Variants in C9orf40 observed in about 807,000 individuals in gnomAD.
The protein encoded by C9orf40 is chromosome 9 open reading frame 40, also known as uncharacterized protein C9orf40.
A neutral mutation model predicts 7.9 loss-of-function variants in C9orf40; 2 were observed. The observed-to-expected ratio is 0.25, with a 90% CI of 0.10 to 0.80. The LOEUF is 0.80. C9orf40 is among the 30% of genes least tolerant of loss of function. The pLI is 0.68. For synonymous variants in C9orf40, 113 were observed against 117.6 expected (o/e 0.96, Z 0.25); for missense variants, 256 against 268.5 (o/e 0.95, Z 0.33).
rs71497367 is a variant in C9orf40 at position 74,950,593 on chromosome 9, G to GA, written c.426+1592dup. On this transcript the variant is annotated intron_variant, in intron 1 of 1. Coordinates refer to ENST00000376854, the MANE Select transcript of C9orf40 (RefSeq NM_017998.3). ...AATAAGGCTCATGTTTCAACCATAGGAAAAAAAAAAAAAAAGTCTTTCCCA... is the reference window on the plus strand; with the variant it reads ...AATAAGGCTCATGTTTCAACCATAGGAAAAAAAAAAAAAAAAGTCTTTCCCA... Among the ~76,000 whole-genome samples the GA allele has an allele frequency of 5.2e-3, 595 of 114,934 alleles. 5 individuals are homozygous for GA. The highest frequency in any genetic ancestry group is 0.011 in the African/African-American group (345 of 31,248). 75.4% of individuals were successfully genotyped at this position (114,934 alleles called of 152,430 possible). A position where few individuals can be genotyped will look rare whatever the true frequency, so the allele number is the denominator to read the frequency against.
At position 74,952,505 on chromosome 9, in the gene C9orf40, C is replaced by G. The variant is rs773980785; in HGVS notation, c.107G>C (p.Arg36Pro). The G allele has an allele frequency of 6.3e-7, 1 of 1,593,938 alleles. No individual in the cohort carries two copies. Among genetic ancestry groups the G allele is most frequent in the African/African-American group, 1.3e-5 (1 of 74,298 alleles). The part of the protein sequence containing the change: ...EQPPPPPLWI[R>P]PPGVAHAGQL... Reference sequence around the variant, plus strand: ...CCCAGCATGCGCGACCCCGGGCGGCCGGATCCAGAGAGGCGGTGGCGGCGG... The same window carrying G: ...CCCAGCATGCGCGACCCCGGGCGGCGGGATCCAGAGAGGCGGTGGCGGCGG... Residue 36 changes from arginine to proline, a missense_variant, in exon 1 of 2, where the codon CGG becomes CCG. Coordinates refer to ENST00000376854, the MANE Select transcript of C9orf40 (RefSeq NM_017998.3). The surrounding 1 kb of genome is among the most constrained non-coding windows in gnomAD (Gnocchi z 5.4).
At position 74,952,431 on chromosome 9, in the gene C9orf40, C is replaced by T. The variant is rs1435840852; in HGVS notation, c.181G>A (p.Gly61Arg). Residue 61 changes from glycine (G) to arginine (R), a missense_variant, in exon 1 of 2, where the codon GGG (glycine) becomes AGG (arginine). Coordinates refer to ENST00000376854, the MANE Select transcript of C9orf40 (RefSeq NM_017998.3). The surrounding 1 kb of genome is among the most constrained non-coding windows in gnomAD (Gnocchi z 5.4). ...EQHRKRKIDA[G>R]TMAEPSASPS... ...GAAGCCGAGGGCTCTGCCATGGTCC[C>T]TGCGTCGATTTTGCGCTTTCGGTGC... 6.2e-7 allele frequency: 1 copy of T among 1,600,276 alleles called. No individual in the cohort carries two copies. The highest frequency in any genetic ancestry group is 8.5e-7 in the Non-Finnish European group (1 of 1,178,018).
rs1832306778 is a variant in C9orf40 at position 74,952,096 on chromosome 9, A to G, written c.426+90T>C. ...AACCCCCTCAGGCGTCTTAACCTAC[A>G]CAAGTCATGAGTGGGAACCGGGGCG... On this transcript the variant is annotated intron_variant, in intron 1 of 1. Transcript: ENST00000376854. The surrounding 1 kb of genome is among the most constrained non-coding windows in gnomAD (Gnocchi z 5.4). 1 of 482,408 alleles carries G rather than the reference A, an allele frequency of 2.1e-6. No homozygotes were observed. The highest frequency in any genetic ancestry group is 3.4e-6 in the Non-Finnish European group (1 of 297,640). 29.9% of individuals were successfully genotyped at this position (482,408 alleles called of 1,614,324 possible).
chr9:74,951,488 AC>A, intron 1 of C9orf40, among the ~76,000 whole-genome samples: 1 of 151,946 alleles, frequency 6.6e-6, no homozygotes, highest in Non-Finnish European at 1.5e-5. Flanking sequence ...ACAGAGTTTC[AC>A]CCTATTGGCC....
Position 74,952,705 on chromosome 9 carries a change from G to A in C9orf40, c.-94C>T, listed in dbSNP as rs1832322108. On this transcript the variant is annotated 5_prime_UTR_variant, in exon 1 of 2. Coordinates refer to ENST00000376854, the MANE Select transcript of C9orf40 (RefSeq NM_017998.3). This position sits in a 1 kb window ranked among gnomAD's most constrained non-coding sequence, Gnocchi z 5.4. ...GAGCGAGGACTGAGCGCGTGAGAGA[G>A]GGACAGGCCGAAGTCGGGCGAGGAG... is the stretch of plus-strand genomic sequence containing the variant. 7.4e-6 allele frequency: 9 copies of A among 1,220,486 alleles called. No individual in the cohort carries two copies. The highest frequency in any genetic ancestry group is 1.0e-5 in the Non-Finnish European group (9 of 900,374). 75.6% of individuals were successfully genotyped at this position (1,220,486 alleles called of 1,614,324 possible).
intron 1 of C9orf40, among the ~76,000 whole-genome samples, chr9:74,949,850 A>G (rs914926524): frequency 1.3e-5 from 2 of 152,194 alleles, no homozygotes; most frequent in African/African-American, 4.8e-5. Flanking sequence ...AAAAGAAGGA[A>G]TAGGAGTGTT....
Position 74,952,884 on chromosome 9 carries a change from C to A in C9orf40, c.-273G>T, listed in dbSNP as rs1475485722. On this transcript the variant is annotated 5_prime_UTR_variant, in exon 1 of 2. Transcript: ENST00000376854. The surrounding 1 kb of genome is among the most constrained non-coding windows in gnomAD (Gnocchi z 5.4). Reference sequence around the variant, plus strand: ...AACCGCGAAGCGGCGGAGATTCGAACCTGCGCACAACGTGCGCGCGCGCAC... The same window carrying A: ...AACCGCGAAGCGGCGGAGATTCGAAACTGCGCACAACGTGCGCGCGCGCAC... The A allele has an allele frequency of 4.5e-6, 2 of 448,212 alleles. No individual in the cohort carries two copies. Among genetic ancestry groups the A allele is most frequent in the Non-Finnish European group, 7.9e-6 (2 of 253,024 alleles). 27.8% of individuals were successfully genotyped at this position (448,212 alleles called of 1,614,324 possible). A position where few individuals can be genotyped will look rare whatever the true frequency, so the allele number is the denominator to read the frequency against.
intron 1 of C9orf40, among the ~76,000 whole-genome samples, chr9:74,950,951 A>G (rs1362448944): frequency 1.3e-5 from 2 of 152,252 alleles, no homozygotes; most frequent in Admixed American, 6.5e-5. Flanking sequence ...TAAAAAGTAA[A>G]AGAAACTTCT....
At chr9:74,949,585 G>A (rs1401632054) in intron 1 of C9orf40, among the ~76,000 whole-genome samples, 1 of 152,190 alleles carries the variant, frequency 6.6e-6, no homozygotes, top group Non-Finnish European at 1.5e-5. Context: ...TAGAAAAAAG[G>A]TATTTGAGGT....
rs1230066438 is a variant in C9orf40 at position 74,952,097 on chromosome 9, C to T, written c.426+89G>A. ...ACCCCCTCAGGCGTCTTAACCTACA[C>T]AAGTCATGAGTGGGAACCGGGGCGT... On this transcript the variant is annotated intron_variant, in intron 1 of 1. Coordinates refer to ENST00000376854, the MANE Select transcript of C9orf40 (RefSeq NM_017998.3). The surrounding 1 kb of genome is among the most constrained non-coding windows in gnomAD (Gnocchi z 5.4). 6.1e-6 allele frequency: 3 copies of T among 489,100 alleles called. No homozygotes were observed. The highest frequency in any genetic ancestry group is 9.9e-6 in the Non-Finnish European group (3 of 303,292). 30.3% of individuals were successfully genotyped at this position (489,100 alleles called of 1,614,324 possible). A position where few individuals can be genotyped will look rare whatever the true frequency, so the allele number is the denominator to read the frequency against.
At position 74,946,945 on chromosome 9, in the gene C9orf40, T is replaced by C. The variant is rs1832246887; in HGVS notation, c.*1103A>G. On this transcript the variant is annotated 3_prime_UTR_variant, in exon 2 of 2. Transcript: ENST00000376854. ...GCAGTACAAAAGTTAGTTAACTTAA[T>C]CACTGATACTCACATCACAAATTGC... 6.6e-6 allele frequency: 1 copy of C among 152,210 alleles called. No homozygotes were observed. The highest frequency in any genetic ancestry group is 6.5e-5 in the Admixed American group (1 of 15,282). The allele number at this position is 152,210 out of a possible 1,614,324, so 9.4% of individuals were successfully genotyped here.
chr9:74,949,813 A>G (rs576566264), intron 1 of C9orf40, among the ~76,000 whole-genome samples: 1 of 152,236 alleles, frequency 6.6e-6, no homozygotes, highest in African/African-American at 2.4e-5. Flanking sequence ...ATTGTAAAAG[A>G]GAAGCGCCTC....
intron 1 of C9orf40, among the ~76,000 whole-genome samples, 185 bp from the exon 2 acceptor site, chr9:74,948,391 T>C (rs970515468): frequency 5.3e-5 from 8 of 152,238 alleles, no homozygotes; most frequent in Non-Finnish European, 2.9e-5. Context: ...CGATGAAATC[T>C]GTGCATTTTA....
intron 1 of C9orf40, 152 bp from the exon 2 acceptor site, chr9:74,948,358 C>T: frequency 2.0e-6 from 1 of 501,120 alleles, no homozygotes; most frequent in African/African-American, 2.0e-5. Flanking sequence ...TAAATTTTGT[C>T]TCATCTAAGT....
rs1832252104 is a variant in C9orf40 at position 74,947,375 on chromosome 9, A to C, written c.*673T>G. The C allele has an allele frequency of 6.6e-6, 1 of 152,642 alleles. No homozygotes were observed. The highest frequency in any genetic ancestry group is 1.5e-5 in the Non-Finnish European group (1 of 68,032). 9.5% of individuals were successfully genotyped at this position (152,642 alleles called of 1,614,324 possible). On this transcript the variant is annotated 3_prime_UTR_variant, in exon 2 of 2. Coordinates refer to ENST00000376854, the MANE Select transcript of C9orf40 (RefSeq NM_017998.3). The stretch of plus-strand genomic sequence containing the variant: ...ATTATACAATAAATTTTTTCCTCTA[A>C]TCCTGGGAAAACAGGGGGAAGCAGG...
In C9orf40 at chr9:74,947,799, A is replaced by G; in HGVS notation, c.*249T>C. The G allele has an allele frequency of 3.4e-6, 1 of 298,286 alleles. No homozygotes were observed. The highest frequency in any genetic ancestry group is 1.4e-4 in the South Asian group (1 of 7,322). The allele number at this position is 298,286 out of a possible 1,614,324, so 18.5% of individuals were successfully genotyped here. On this transcript the variant is annotated 3_prime_UTR_variant, in exon 2 of 2. Transcript: ENST00000376854. The stretch of plus-strand genomic sequence containing the variant: ...CAGTACCTTCAATTCTAGAATTTAA[A>G]CAAAACTTTTTGCTCTAAGAATGCA...
In C9orf40 at chr9:74,952,163, G is replaced by GGCCCCCCCC; in HGVS notation, c.426+22_426+23insGGGGGGGGC. The GGCCCCCCCC allele has an allele frequency of 5.7e-6, 2 of 351,744 alleles. No homozygotes were observed. Among genetic ancestry groups the GGCCCCCCCC allele is most frequent in the Non-Finnish European group, 4.7e-6 (1 of 211,698 alleles). The allele number at this position is 351,744 out of a possible 1,614,324, so 21.8% of individuals were successfully genotyped here. ...AAAAGGCAAGCCCCTTCGCCCCTCAGCCCACCCGCCCCCAGCCCCTACCTG... is the reference window on the plus strand; with the variant it reads ...AAAAGGCAAGCCCCTTCGCCCCTCAGGCCCCCCCCCCCACCCGCCCCCAGCCCCTACCTG... On this transcript the variant is annotated intron_variant, in intron 1 of 1. Transcript: ENST00000376854. This position sits in a 1 kb window ranked among gnomAD's most constrained non-coding sequence, Gnocchi z 5.4.
At position 74,952,438 on chromosome 9, in the gene C9orf40, G is replaced by A. The variant is rs754072036; in HGVS notation, c.174C>T (p.Ile58=). The part of the protein sequence containing the change: ...GVPEQHRKRK[I]DAGTMAEPSA... Reference sequence around the variant, plus strand: ...AGGGCTCTGCCATGGTCCCTGCGTCGATTTTGCGCTTTCGGTGCTGCTCTG... The same window carrying A: ...AGGGCTCTGCCATGGTCCCTGCGTCAATTTTGCGCTTTCGGTGCTGCTCTG... The change falls in exon 1 of 2, where the codon ATC becomes ATT. Residue 58 remains isoleucine, a synonymous_variant. Transcript: ENST00000376854. The surrounding 1 kb of genome is among the most constrained non-coding windows in gnomAD (Gnocchi z 5.4). 1.9e-6 allele frequency: 3 copies of A among 1,600,474 alleles called. No individual in the cohort carries two copies. Among genetic ancestry groups the A allele is most frequent in the Non-Finnish European group, 2.5e-6 (3 of 1,178,114 alleles).
chr9:74,950,339 T>C (rs1428992840), intron 1 of C9orf40, among the ~76,000 whole-genome samples: 2 of 152,248 alleles, frequency 1.3e-5, no homozygotes, highest in Non-Finnish European at 2.9e-5. Flanking sequence ...CATTTCCATA[T>C]TTCCCTCTTA....
Sources: gnomAD v4.1 joint callset for allele counts (sites outside exome capture counted in the v4.1 genomes callset) on GRCh38, gnomAD v4.1.1 for gene constraint, Gnocchi (gnomAD v3.1) non-coding constraint, MANE v1.5 for transcripts, NCBI Gene and HGNC (gene_info 2026-07-23, HGNC 2026-07-21) for gene names.